Variants in AUTS2 observed in about 807,000 individuals in gnomAD.
The protein encoded by AUTS2 is activator of transcription and developmental regulator AUTS2, also known as autism susceptibility gene 2 protein.
In AUTS2, 17 loss-of-function variants were observed where a neutral mutation model predicts 112.4. The observed-to-expected ratio is 0.15, with a 90% CI of 0.10 to 0.23. AUTS2 has a LOEUF of 0.23. AUTS2 is among the 10% of genes least tolerant of loss of function. The pLI is 1.00. For synonymous variants in AUTS2, 751 were observed against 702.7 expected, an observed-to-expected ratio of 1.07 and a Z score of -1.09; for missense variants, 1,510 against 1,701.6, an observed-to-expected ratio of 0.89 and a Z score of 1.98.
chr7:70,231,978 G>T lies in AUTS2; in HGVS notation c.660+97407G>T, dbSNP rs1242123961. The stretch of plus-strand genomic sequence containing the variant: ...TTAGTAGAGACAGGGTTTCACCATG[G>T]TAGCCAGGATGGTCTCAATCTCCTG... On this transcript the variant is annotated intron_variant, in intron 4 of 18. Transcript: ENST00000342771. Among the ~76,000 whole-genome samples the T allele has an allele frequency of 1.0e-4, 15 of 143,164 alleles. No homozygotes were observed. In the East Asian group the frequency reaches 1.1e-3, roughly 10 times the overall value. The allele number at this position is 143,164 out of a possible 152,430, so 93.9% of individuals were successfully genotyped here. A position where few individuals can be genotyped will look rare whatever the true frequency, so the allele number is the denominator to read the frequency against.
intron 2 of AUTS2, among the ~76,000 whole-genome samples, chr7:70,072,639 T>C (rs996938047): frequency 4.6e-5 from 7 of 152,186 alleles, no homozygotes; most frequent in African/African-American, 1.2e-4. Context: ...TATGCACAGG[T>C]TCGAATCACC....
intron 6 of AUTS2, among the ~76,000 whole-genome samples, chr7:70,747,482 G>A (rs150593692): frequency 7.9e-5 from 12 of 152,184 alleles, no homozygotes; most frequent in African/African-American, 2.2e-4. Context: ...TTTTTGAGAC[G>A]GAGTCTCACT....
intron 4 of AUTS2, among the ~76,000 whole-genome samples, chr7:70,255,828 A>G (rs920675660): frequency 1.3e-5 from 2 of 152,186 alleles, no homozygotes; most frequent in African/African-American, 2.4e-5. Context: ...AGAACAAACC[A>G]TTTTCTAAGG....
chr7:70,771,174 T>A (rs1447236126), intron 10 of AUTS2: 1 of 158,728 alleles, frequency 6.3e-6, no homozygotes, highest in Non-Finnish European at 1.4e-5. Flanking sequence ...TTTTTCCCCC[T>A]CTAATTAACT....
intron 5 of AUTS2, among the ~76,000 whole-genome samples, chr7:70,615,968 C>T (rs558932179): frequency 1.3e-5 from 2 of 152,272 alleles, no homozygotes; most frequent in African/African-American, 4.8e-5. Flanking sequence ...TGGTCTCGAA[C>T]TCCAGACCTC....
At chr7:69,803,773 T>C (rs1462509770) in intron 1 of AUTS2, among the ~76,000 whole-genome samples, 1 of 152,248 alleles carries the variant, frequency 6.6e-6, no homozygotes, top group African/African-American at 2.4e-5. Flanking sequence ...CTTTTGCCTG[T>C]AATCCCAGCA....
chr7:70,550,032 T>C (rs1045418280), intron 5 of AUTS2, among the ~76,000 whole-genome samples: 2 of 152,156 alleles, frequency 1.3e-5, no homozygotes, highest in Non-Finnish European at 2.9e-5. Context: ...GACTTGAACA[T>C]AAAGGATGCC....
At chr7:70,472,273 C>T (rs1797415533) in intron 5 of AUTS2, among the ~76,000 whole-genome samples, 1 of 152,066 alleles carries the variant, frequency 6.6e-6, no homozygotes, top group African/African-American at 2.4e-5. Context: ...ATGAGAGAAC[C>T]CCAAATCAGA....
At chr7:70,140,978 A>T (rs1487387402) in intron 4 of AUTS2, among the ~76,000 whole-genome samples, 2 of 152,194 alleles carry the variant, frequency 1.3e-5, no homozygotes, top group Non-Finnish European at 2.9e-5. Context: ...TATGTAGCTG[A>T]ATTTGAAGCA....
chr7:70,497,593 T>A (rs1798607015), intron 5 of AUTS2, among the ~76,000 whole-genome samples: 2 of 152,264 alleles, frequency 1.3e-5, no homozygotes, highest in South Asian at 4.1e-4. Flanking sequence ...TCCAAGGTTC[T>A]TCCTACATGT....
chr7:70,319,078 A>G (rs1790132075), intron 4 of AUTS2, among the ~76,000 whole-genome samples: 1 of 152,228 alleles, frequency 6.6e-6, no homozygotes, highest in African/African-American at 2.4e-5. Context: ...AAGTTTTACA[A>G]AACATCTCTG....
At chr7:70,604,244 G>A (rs762045639) in intron 5 of AUTS2, among the ~76,000 whole-genome samples, 18 of 152,252 alleles carry the variant, frequency 1.2e-4, no homozygotes, top group South Asian at 2.1e-4. Flanking sequence ...GGTGACTGTC[G>A]CTTGGTTCCA....
chr7:70,458,026 C>G lies in AUTS2; in HGVS notation c.690+22245C>G, dbSNP rs183159495. 9.4e-4 allele frequency among the ~76,000 whole-genome samples: 139 copies of G among 148,586 alleles called. 3 individuals carry two copies. In the East Asian group the frequency reaches 0.026, roughly 27 times the overall value. On this transcript the variant is annotated intron_variant, in intron 5 of 18. Transcript: ENST00000342771. Reference sequence around the variant, plus strand: ...AGAGGGGCCTAGAAAAGGCTGAACACAAAGCCCCACAACCGCCAAATTCCC... The same window carrying G: ...AGAGGGGCCTAGAAAAGGCTGAACAGAAAGCCCCACAACCGCCAAATTCCC...
At chr7:70,277,252 AAGAC>A (rs1787973132) in intron 4 of AUTS2, among the ~76,000 whole-genome samples, 1 of 152,176 alleles carries the variant, frequency 6.6e-6, no homozygotes, top group Admixed American at 6.5e-5. Context: ...GATAGAATAT[AAGAC>A]AGAGCCTCTT....
chr7:70,544,122 C>G (rs1800671265), intron 5 of AUTS2, among the ~76,000 whole-genome samples: 5 of 152,156 alleles, frequency 3.3e-5, no homozygotes, highest in Admixed American at 3.3e-4. Context: ...GGGACTTAAA[C>G]AAGATTTGGT....
At chr7:70,139,162 C>G (rs1268918131) in intron 4 of AUTS2, among the ~76,000 whole-genome samples, 1 of 152,130 alleles carries the variant, frequency 6.6e-6, no homozygotes, top group Non-Finnish European at 1.5e-5. Context: ...AGATGGGGCT[C>G]TACCGTGTTG....
intron 5 of AUTS2, among the ~76,000 whole-genome samples, chr7:70,647,567 C>A (rs573339863): frequency 1.3e-5 from 2 of 152,296 alleles, no homozygotes; most frequent in Non-Finnish European, 2.9e-5. Flanking sequence ...CTTTATAATG[C>A]CTTCTCCCTT....
Position 70,790,833 on chromosome 7 carries a change from G to A in AUTS2, c.3617G>A (p.Gly1206Glu), listed in dbSNP as rs1159680916. 1.2e-6 allele frequency: 2 copies of A among 1,607,164 alleles called. No homozygotes were observed. The highest frequency in any genetic ancestry group is 3.4e-5 in the Admixed American group (2 of 59,574). The change falls in exon 19 of 19, where the codon GGA becomes GAA. Residue 1206 changes from glycine (G) to glutamate (E), a missense_variant. By Grantham distance (98) the Gly-to-Glu change is moderately conservative. This residue lies in a region of AUTS2 where 788 missense variants were observed against 797.6 expected (regional missense o/e 0.99). Transcript: ENST00000342771. The surrounding 1 kb of genome is among the most constrained non-coding windows in gnomAD (Gnocchi z 7.6). ...RISPTAGNQN[G>E]LLNKTPPTAA... is the part of the protein sequence containing the mutation. Reference sequence around the variant, plus strand: ...AGCCCCACCGCGGGCAACCAGAACGGACTCCTCAACAAGACCCCTCCGACA... The same window carrying A: ...AGCCCCACCGCGGGCAACCAGAACGAACTCCTCAACAAGACCCCTCCGACA...
chr7:69,920,879 C>G (rs1305526398), intron 2 of AUTS2, among the ~76,000 whole-genome samples: 2 of 152,124 alleles, frequency 1.3e-5, no homozygotes, highest in Non-Finnish European at 2.9e-5. Flanking sequence ...GGCTTCACCT[C>G]TGGGTTAATT....
Sources: gnomAD v4.1 joint callset for allele counts (sites outside exome capture counted in the v4.1 genomes callset) on GRCh38, gnomAD v4.1.1 for gene constraint, gnomAD v4.1.1 regional missense constraint, Gnocchi (gnomAD v3.1) non-coding constraint, MANE v1.5 for transcripts, NCBI Gene and HGNC (gene_info 2026-07-23, HGNC 2026-07-21) for gene names.